FLNB: variants seen among roughly 807,000 people sequenced by gnomAD.
FLNB encodes the protein filamin B, also known as filamin-B.
In FLNB, 111 loss-of-function variants were observed where a neutral mutation model predicts 250.6. The ratio of observed to expected loss-of-function variants is 0.44; its 90% CI spans 0.38 to 0.52. The LOEUF is 0.52. Ranked by LOEUF, FLNB falls within the 20% of genes least tolerant of loss-of-function variation. FLNB has a pLI of 0.00. For missense variants in FLNB, 2,869 were observed against 3,447.8 expected (o/e 0.83, Z 4.20); for synonymous variants, 1,302 against 1,372.1 (o/e 0.95, Z 1.13).
chr3:58,141,362 T>C (rs2097326666), intron 29 of FLNB, among the ~76,000 whole-genome samples: 1 of 152,248 alleles, frequency 6.6e-6, no homozygotes, highest in Admixed American at 6.5e-5. Context: ...CTACTTACAC[T>C]TCACACACCT....
At position 58,031,400 on chromosome 3, in the gene FLNB, G is replaced by A. The variant is rs113721453; in HGVS notation, c.292+22544G>A. Among the ~76,000 whole-genome samples the A allele has an allele frequency of 2.6e-5, 4 of 151,708 alleles. 1 individual carries two copies. The highest frequency in any genetic ancestry group is 1.5e-5 in the Non-Finnish European group (1 of 67,918). ...TGGGACTACAGGCGCCCGCCACCAC[G>A]CCTGGCTAATTTTTTGTATTTTTAG... On this transcript the variant is annotated intron_variant, in intron 1 of 45. Coordinates refer to ENST00000295956, the MANE Select transcript of FLNB (RefSeq NM_001457.4).
intron 1 of FLNB, among the ~76,000 whole-genome samples, chr3:58,055,085 G>A (rs1301583544): frequency 6.6e-6 from 1 of 152,078 alleles, no homozygotes; most frequent in Admixed American, 6.5e-5. Context: ...TAGCCAACAT[G>A]GTGAAATCCT....
At chr3:58,124,993 A>G (rs1174932039) in intron 22 of FLNB, among the ~76,000 whole-genome samples, 3 of 152,066 alleles carry the variant, frequency 2.0e-5, no homozygotes, top group African/African-American at 7.2e-5. Flanking sequence ...TAATGGCTGG[A>G]TGGTGTTTTC....
intron 36 of FLNB, chr3:58,149,627 C>T: frequency 1.7e-6 from 1 of 601,930 alleles, no homozygotes; most frequent in Non-Finnish European, 2.9e-6. Flanking sequence ...GGAAAGGCTT[C>T]TGTGGTCAAA....
chr3:58,069,274 C>T (rs2097190729), intron 1 of FLNB, among the ~76,000 whole-genome samples: 2 of 118,136 alleles, frequency 1.7e-5, no homozygotes, highest in African/African-American at 6.7e-5. Flanking sequence ...GAGTCTTGCT[C>T]TGTTGCCCAG....
chr3:58,015,874 G>A (rs760648937), intron 1 of FLNB, among the ~76,000 whole-genome samples: 2 of 152,140 alleles, frequency 1.3e-5, no homozygotes, highest in Non-Finnish European at 2.9e-5. Flanking sequence ...TTTCAGCTAA[G>A]ACCTAAAGCG....
At chr3:58,109,953 A>T (rs2107120818) in intron 15 of FLNB, 57 bp from the exon 16 acceptor site, 7 of 1,601,450 alleles carry the variant, frequency 4.4e-6, no homozygotes, top group Non-Finnish European at 6.0e-6. Context: ...GCTGGAAGAG[A>T]TTGCACAGGA....
chr3:58,137,598 A>ATTGGTGT (rs1276320283), intron 28 of FLNB, among the ~76,000 whole-genome samples: 1 of 152,196 alleles, frequency 6.6e-6, no homozygotes, highest in Non-Finnish European at 1.5e-5. Flanking sequence ...ATGTGCTTTT[A>ATTGGTGT]GTTCATGCTT....
At chr3:58,104,793 C>G (rs1021303312) in intron 10 of FLNB, among the ~76,000 whole-genome samples, 1 of 152,176 alleles carries the variant, frequency 6.6e-6, no homozygotes, top group Admixed American at 6.6e-5. Context: ...TCTGGGGAGG[C>G]CTGCACACAA....
intron 1 of FLNB, among the ~76,000 whole-genome samples, chr3:58,033,394 T>G (rs1374918980): frequency 1.5e-5 from 2 of 131,714 alleles, no homozygotes; most frequent in African/African-American, 5.8e-5. Context: ...TAGTATGCTG[T>G]TTTGTTTTTT....
chr3:58,040,721 C>T (rs1217987501), intron 1 of FLNB, among the ~76,000 whole-genome samples: 1 of 152,154 alleles, frequency 6.6e-6, no homozygotes, highest in African/African-American at 2.4e-5. Context: ...TCTCGAACTC[C>T]TGACCTCAGG....
At chr3:58,087,121 CA>C (rs1340155223) in intron 4 of FLNB, among the ~76,000 whole-genome samples, 6 of 151,842 alleles carry the variant, frequency 4.0e-5, no homozygotes, top group African/African-American at 4.8e-5. Context: ...AACAAACAAA[CA>C]AACAAATAAA....
At position 58,129,637 on chromosome 3, in the gene FLNB, G is replaced by A. The variant is rs547126827; in HGVS notation, c.4223-1104G>A. Among the ~76,000 whole-genome samples, 7 of 152,272 alleles carry A rather than the reference G, an allele frequency of 4.6e-5. No individual in the cohort carries two copies. The East Asian group carries it at 1.2e-3, about 25-fold the overall frequency. On this transcript the variant is annotated intron_variant, in intron 24 of 45. Coordinates refer to ENST00000295956, the MANE Select transcript of FLNB (RefSeq NM_001457.4). Reference sequence around the variant, plus strand: ...AACCCAGCTGTTGTTAGAAAGCCAGGGACTCAATTCTTTGTGTGTCTTGGC... The same window carrying A: ...AACCCAGCTGTTGTTAGAAAGCCAGAGACTCAATTCTTTGTGTGTCTTGGC...
Position 58,077,129 on chromosome 3 carries a change from C to T in FLNB, c.376C>T (p.Pro126Ser). ...GATCCTCCACTACTCCATCTCCATG[C>T]CCGTGTGGGAGGATGAAGGGGATGA... ...TLILHYSISM[P>S]VWEDEGDDDA... Residue 126 changes from proline to serine, a missense_variant, in exon 2 of 46, where the codon CCC becomes TCC. Around this residue, in one of 5 missense-constraint regions of FLNB, gnomAD observed 308 missense variants for 466.1 expected, o/e 0.66. Coordinates refer to ENST00000295956, the MANE Select transcript of FLNB (RefSeq NM_001457.4). 5.6e-6 allele frequency: 9 copies of T among 1,614,108 alleles called. No homozygotes were observed. Among genetic ancestry groups the T allele is most frequent in the Non-Finnish European group, 6.8e-6 (8 of 1,179,996 alleles).
chr3:58,020,510 C>G (rs576668012), intron 1 of FLNB, among the ~76,000 whole-genome samples: 1 of 152,328 alleles, frequency 6.6e-6, no homozygotes, highest in East Asian at 1.9e-4. Context: ...TCAGCCTCCC[C>G]AGCCGTCGCA....
chr3:58,118,923 C>T lies in FLNB; in HGVS notation c.2797C>T (p.Pro933Ser). 1 of 1,614,096 alleles carries T rather than the reference C, an allele frequency of 6.2e-7. No homozygotes were observed. Among genetic ancestry groups the T allele is most frequent in the Non-Finnish European group, 8.5e-7 (1 of 1,180,010 alleles). Residue 933 changes from proline to serine, a missense_variant, in exon 19 of 46, where the codon CCT (proline) becomes TCT (serine). Physicochemically the swap from Pro to Ser is moderately conservative, Grantham distance 74. Coordinates refer to ENST00000295956, the MANE Select transcript of FLNB (RefSeq NM_001457.4). ...CGGTGGCGATCCCATCCCTAAAAGC[C>T]CTTTCACTGTGGGTGTTGCTGCACC... The part of the protein sequence containing the change: ...TYGGDPIPKS[P>S]FTVGVAAPLD...
chr3:58,091,559 TAGAAG>T (rs2097227451), intron 4 of FLNB, among the ~76,000 whole-genome samples: 1 of 151,576 alleles, frequency 6.6e-6, no homozygotes, highest in South Asian at 2.1e-4. Context: ...GAAAAAAACA[TAGAAG>T]AGAATCTTTG....
chr3:58,149,575 T>C (rs112789960), intron 36 of FLNB: 26 of 506,712 alleles, frequency 5.1e-5, no homozygotes, highest in African/African-American at 4.6e-4. Flanking sequence ...CAGCAGTTTG[T>C]ACGGGACACA....
Position 58,008,458 on chromosome 3 carries a change from T to G in FLNB, c.-107T>G, listed in dbSNP as rs886058756. 99 of 1,376,686 alleles carry G rather than the reference T, an allele frequency of 7.2e-5. No individual in the cohort carries two copies. The highest frequency in any genetic ancestry group is 2.5e-5 in the South Asian group (2 of 80,030). The allele number at this position is 1,376,686 out of a possible 1,614,324, so 85.3% of individuals were successfully genotyped here. A position where few individuals can be genotyped will look rare whatever the true frequency, so the allele number is the denominator to read the frequency against. On this transcript the variant is annotated 5_prime_UTR_variant, in exon 1 of 46. Transcript: ENST00000295956. ...GGCCGTGGCTCCGGTAGCAGCAAGTTCGAACCCCGCTCCCGCTCCGCTTCG... is the reference window on the plus strand; with the variant it reads ...GGCCGTGGCTCCGGTAGCAGCAAGTGCGAACCCCGCTCCCGCTCCGCTTCG...
Sources: allele counts gnomAD v4.1 joint callset (sites outside exome capture counted in the v4.1 genomes callset), GRCh38; gene constraint gnomAD v4.1.1; regional missense constraint gnomAD v4.1.1; transcripts MANE v1.5; gene names NCBI Gene and HGNC (gene_info 2026-07-23, HGNC 2026-07-21).